The following RNGTT variants were observed in gnomAD, a reference collection of about 807,000 sequenced individuals.
RNGTT encodes RNA guanylyltransferase and 5'-phosphatase.
RNGTT carries 33 observed loss-of-function variants against 79.3 expected under a neutral mutation model. The ratio of observed to expected loss-of-function variants is 0.42; its 90% CI spans 0.32 to 0.56. The LOEUF is 0.56. RNGTT is among the 20% of genes least tolerant of loss of function. The probability of loss-of-function intolerance (pLI) is 0.17; values close to 1 mark genes in which losing one functional copy is unlikely to be tolerated. For synonymous variants in RNGTT, 222 were observed against 235.9 expected, an observed-to-expected ratio of 0.94 and a Z score of 0.54; for missense variants, 497 against 739.1, an observed-to-expected ratio of 0.67 and a Z score of 3.80.
Position 88,963,610 on chromosome 6 carries a change from C to A in RNGTT, c.-201G>T, listed in dbSNP as rs1785728372. 1 of 469,962 alleles carries A rather than the reference C, an allele frequency of 2.1e-6. No individual in the cohort carries two copies. The highest frequency in any genetic ancestry group is 3.7e-6 in the Non-Finnish European group (1 of 268,414). The allele number at this position is 469,962 out of a possible 1,614,324, so 29.1% of individuals were successfully genotyped here. A position where few individuals can be genotyped will look rare whatever the true frequency, so the allele number is the denominator to read the frequency against. On this transcript the variant is annotated 5_prime_UTR_variant, in exon 1 of 16. Transcript: ENST00000369485. ...ATCAACTCCACAGCTCCAGGAGAAC[C>A]CACAATGCACCGCAACTTCCGCCCC...
At chr6:88,851,226 G>T (rs749998921) in intron 9 of RNGTT, among the ~76,000 whole-genome samples, 15 of 150,248 alleles carry the variant, frequency 1.0e-4, no homozygotes, top group Non-Finnish European at 1.9e-4. Context: ...CCTAAAAGCA[G>T]TTCTTCAGAT....
intron 4 of RNGTT, among the ~76,000 whole-genome samples, chr6:88,911,110 G>A (rs77973445): frequency 0.034 from 5,188 of 151,890 alleles, 312 homozygotes; most frequent in African/African-American, 0.12. Flanking sequence ...CAGCACCACC[G>A]CAGGAAAAAA....
At chr6:88,727,758 C>G (rs1776969371) in intron 13 of RNGTT, among the ~76,000 whole-genome samples, 2 of 152,056 alleles carry the variant, frequency 1.3e-5, no homozygotes, top group African/African-American at 4.8e-5. Context: ...AAGAAGGCAC[C>G]AAGGACTATA....
At chr6:88,667,788 C>T (rs73752993) in intron 14 of RNGTT, among the ~76,000 whole-genome samples, 3,772 of 152,112 alleles carry the variant, frequency 0.025, 140 homozygotes, top group African/African-American at 0.086. Context: ...CTTGGAGTTC[C>T]GGAAAGGTGG....
intron 8 of RNGTT, among the ~76,000 whole-genome samples, chr6:88,876,360 C>A (rs1280212245): frequency 2.6e-5 from 4 of 152,122 alleles, no homozygotes; most frequent in Non-Finnish European, 5.9e-5. Flanking sequence ...GAAACCCTAT[C>A]TCAACAACAA....
At position 88,963,392 on chromosome 6, in the gene RNGTT, G is replaced by T; in HGVS notation, c.18C>A (p.Ile6=). The T allele has an allele frequency of 6.2e-7, 1 of 1,609,270 alleles. No individual in the cohort carries two copies. Among genetic ancestry groups the T allele is most frequent in the Non-Finnish European group, 8.5e-7 (1 of 1,177,766 alleles). The change falls in exon 1 of 16, where the codon ATC becomes ATA. Residue 6 remains isoleucine (I), a synonymous_variant. Coordinates refer to ENST00000369485, the MANE Select transcript of RNGTT (RefSeq NM_003800.5). MAHNK[I]PPRWLNCPRR... ...GGGGACAGTTCAGCCACCGCGGCGGGATCTTGTTGTGAGCCATGTCTTGGG... is the reference window on the plus strand; with the variant it reads ...GGGGACAGTTCAGCCACCGCGGCGGTATCTTGTTGTGAGCCATGTCTTGGG...
chr6:88,882,957 A>G (rs1044360288), intron 8 of RNGTT, among the ~76,000 whole-genome samples: 4 of 152,190 alleles, frequency 2.6e-5, no homozygotes, highest in Admixed American at 2.6e-4. Flanking sequence ...ATCCTGCTAT[A>G]GCCGCACAAA....
chr6:88,736,600 C>T (rs1582399547), intron 13 of RNGTT, among the ~76,000 whole-genome samples: 1 of 152,070 alleles, frequency 6.6e-6, no homozygotes. Context: ...AGAAATAAAG[C>T]TACTGTTAGG....
chr6:88,729,864 G>A (rs200965510), intron 13 of RNGTT, among the ~76,000 whole-genome samples: 2 of 152,276 alleles, frequency 1.3e-5, no homozygotes, highest in East Asian at 3.9e-4. Context: ...CCCCTTTACA[G>A]AATGGCTAGA....
chr6:88,836,583 G>T (rs994547151), intron 11 of RNGTT, among the ~76,000 whole-genome samples: 7 of 151,718 alleles, frequency 4.6e-5, no homozygotes, highest in Non-Finnish European at 1.0e-4. Context: ...CTCTACAAAA[G>T]ATACAAAAAT....
chr6:88,644,130 G>A (rs1773435820), intron 14 of RNGTT, among the ~76,000 whole-genome samples: 2 of 152,048 alleles, frequency 1.3e-5, no homozygotes, highest in African/African-American at 4.8e-5. Context: ...AGAAAAGAGA[G>A]AAGAATCAAA....
chr6:88,870,656 C>CA (rs970143823), intron 8 of RNGTT, among the ~76,000 whole-genome samples: 69 of 151,924 alleles, frequency 4.5e-4, no homozygotes, highest in African/African-American at 1.6e-3. Context: ...TTGTTTTTAC[C>CA]AAAAAAGGTC....
At chr6:88,666,012 G>A (rs1774393514) in intron 14 of RNGTT, among the ~76,000 whole-genome samples, 1 of 152,316 alleles carries the variant, frequency 6.6e-6, no homozygotes, top group Non-Finnish European at 1.5e-5. Flanking sequence ...GCAACCTACT[G>A]GAGCCTAAGA....
intron 13 of RNGTT, among the ~76,000 whole-genome samples, chr6:88,703,936 A>G (rs1364160209): frequency 1.3e-5 from 2 of 152,142 alleles, no homozygotes; most frequent in African/African-American, 2.4e-5. Context: ...GCAAACTTGC[A>G]TAGAGGCCAG....
At chr6:88,695,361 C>T (rs1160611273) in intron 13 of RNGTT, among the ~76,000 whole-genome samples, 1 of 152,046 alleles carries the variant, frequency 6.6e-6, no homozygotes, top group African/African-American at 2.4e-5. Flanking sequence ...CTTGAATAGA[C>T]ATTTCTCAAA....
At chr6:88,668,884 A>T (rs979106839) in intron 14 of RNGTT, among the ~76,000 whole-genome samples, 1 of 152,164 alleles carries the variant, frequency 6.6e-6, no homozygotes, top group Non-Finnish European at 1.5e-5. Context: ...AAAGCTATAT[A>T]TGGCAGAAAA....
intron 11 of RNGTT, among the ~76,000 whole-genome samples, chr6:88,821,633 A>C (rs1780499610): frequency 1.3e-5 from 2 of 152,028 alleles, no homozygotes; most frequent in Admixed American, 1.3e-4. Context: ...AAATAAAAGA[A>C]ATTAATATTT....
At chr6:88,778,405 G>A (rs62431769) in intron 12 of RNGTT, among the ~76,000 whole-genome samples, 20,837 of 129,544 alleles carry the variant, frequency 0.16, 1,565 homozygotes, top group Middle Eastern at 0.26. Flanking sequence ...AAAATACTTA[G>A]GAAGGAAAAA....
At chr6:88,673,213 CTGATT>C (rs1188352552) in intron 14 of RNGTT, among the ~76,000 whole-genome samples, 21 of 152,156 alleles carry the variant, frequency 1.4e-4, no homozygotes, top group Admixed American at 7.2e-4. Context: ...ATTTCATATC[CTGATT>C]TAATTTTAAA....
Sources: gnomAD v4.1 joint callset for allele counts (sites outside exome capture counted in the v4.1 genomes callset) on GRCh38, gnomAD v4.1.1 for gene constraint, MANE v1.5 for transcripts, NCBI Gene and HGNC (gene_info 2026-07-23, HGNC 2026-07-21) for gene names.